The following NRXN2 variants were observed in gnomAD, a reference collection of about 807,000 sequenced individuals.
NRXN2 encodes the protein neurexin-2-beta.
Under a neutral mutation model 128.8 loss-of-function variants are expected in NRXN2, and 29 were observed. The observed-to-expected ratio is 0.23, with a 90% CI of 0.17 to 0.31. The LOEUF (loss-of-function observed/expected upper bound fraction) is 0.31, where lower values mean the gene tolerates loss of function less well. Ranked by LOEUF, NRXN2 falls within the 10% of genes least tolerant of loss-of-function variation. The pLI, the probability that NRXN2 is intolerant of heterozygous loss-of-function variation, is 1.00. For synonymous variants in NRXN2, 1,098 were observed against 1,075.2 expected (o/e 1.02, Z -0.41); for missense variants, 1,881 against 2,452.6 (o/e 0.77, Z 4.92).
At chr11:64,717,470 G>A (rs763798169) in intron 1 of NRXN2, among the ~76,000 whole-genome samples, 1 of 152,184 alleles carries the variant, frequency 6.6e-6, no homozygotes, top group Non-Finnish European at 1.5e-5. Context: ...AGCAGCCTTG[G>A]GCCAGTGGTG....
In NRXN2 at chr11:64,648,521, C is replaced by T. The variant is rs2047028572; in HGVS notation, c.3284-183G>A. On this transcript the variant is annotated intron_variant, in intron 16 of 22. Coordinates refer to ENST00000265459, the MANE Select transcript of NRXN2 (RefSeq NM_015080.4). The surrounding 1 kb of genome is among the most constrained non-coding windows in gnomAD (Gnocchi z 4.1). ...CAGGTCTGCTAGGCTTGGCCTTGGA[C>T]TGTGACAAGGGGCCAGGGTGTGAGA... Among the ~76,000 whole-genome samples the T allele has an allele frequency of 1.3e-5, 2 of 152,190 alleles. No homozygotes were observed.
intron 17 of NRXN2, chr11:64,643,306 C>G (rs1482553012): frequency 7.3e-6 from 7 of 961,746 alleles, no homozygotes; most frequent in African/African-American, 6.0e-5. Flanking sequence ...CCGGCCGCGC[C>G]GCTGCTGCCG....
chr11:64,615,255 T>C (rs2041295244), intron 22 of NRXN2, among the ~76,000 whole-genome samples: 3 of 152,166 alleles, frequency 2.0e-5, no homozygotes, highest in African/African-American at 7.2e-5. Flanking sequence ...AGCCACAAGA[T>C]GGAGAGGGTC....
At chr11:64,687,885 G>T (rs115253859) in intron 5 of NRXN2, among the ~76,000 whole-genome samples, 35 of 152,304 alleles carry the variant, frequency 2.3e-4, no homozygotes, top group African/African-American at 7.9e-4. Flanking sequence ...CTGGGGCCTT[G>T]CTGTTTCCAT....
intron 11 of NRXN2, 102 bp from the exon 12 acceptor site, chr11:64,653,824 G>A: frequency 5.5e-6 from 5 of 905,552 alleles, no homozygotes; most frequent in Non-Finnish European, 8.6e-6. Context: ...TCTGCGGGCG[G>A]GGTTCCCCCC....
In NRXN2 at chr11:64,632,747, T is replaced by C. The variant is rs2044103056; in HGVS notation, c.3586-2174A>G. On this transcript the variant is annotated intron_variant, in intron 18 of 22. Coordinates refer to ENST00000265459, the MANE Select transcript of NRXN2 (RefSeq NM_015080.4). This position sits in a 1 kb window ranked among gnomAD's most constrained non-coding sequence, Gnocchi z 4.2. ...CCAGTGTGAAGTCAGTTGTCACTTCTGTTAAAGTCATTAATTCCTAATTCC... is the reference window on the plus strand; with the variant it reads ...CCAGTGTGAAGTCAGTTGTCACTTCCGTTAAAGTCATTAATTCCTAATTCC... 6.6e-6 allele frequency among the ~76,000 whole-genome samples: 1 copy of C among 152,208 alleles called. No homozygotes were observed. The highest frequency in any genetic ancestry group is 6.5e-5 in the Admixed American group (1 of 15,290).
In NRXN2 at chr11:64,635,152, A is replaced by T; in HGVS notation, c.3585+119T>A. On this transcript the variant is annotated intron_variant, in intron 18 of 22. Coordinates refer to ENST00000265459, the MANE Select transcript of NRXN2 (RefSeq NM_015080.4). This position sits in a 1 kb window ranked among gnomAD's most constrained non-coding sequence, Gnocchi z 4.8. ...GGAAGCTCCAGCAATGAGGGAACAG[A>T]GGTTCTGAGGGTTCCCCATGAGGGA... 2.7e-6 allele frequency: 3 copies of T among 1,131,024 alleles called. No homozygotes were observed. The highest frequency in any genetic ancestry group is 2.9e-4 in the Middle Eastern group (1 of 3,400). 70.1% of individuals were successfully genotyped at this position (1,131,024 alleles called of 1,614,324 possible).
Position 64,652,426 on chromosome 11 carries a change from T to C in NRXN2, c.2417-272A>G, listed in dbSNP as rs774467026. On this transcript the variant is annotated intron_variant, in intron 12 of 22. Transcript: ENST00000265459. ...CTCAGGACTGCCCTTTGTGTGACTT[T>C]AGGAGGTGCCATGCACATAGAATAT... is the stretch of plus-strand genomic sequence containing the variant. 3.1e-4 allele frequency among the ~76,000 whole-genome samples: 47 copies of C among 152,208 alleles called. 1 individual carries two copies. The Middle Eastern group carries it at 0.014, about 44-fold the overall frequency.
Position 64,690,375 on chromosome 11 carries a change from G to C in NRXN2, c.850+30C>G, listed in dbSNP as rs60726643. ...TTAGCCTGCAGCAGGATGAGGGCTG[G>C]GCTCTCTGGGGACCATGGGGGTCAC... is the stretch of plus-strand genomic sequence containing the variant. On this transcript the variant is annotated intron_variant, in intron 5 of 22. Coordinates refer to ENST00000265459, the MANE Select transcript of NRXN2 (RefSeq NM_015080.4). 2.5e-6 allele frequency: 4 copies of C among 1,599,066 alleles called. No individual in the cohort carries two copies. The African/African-American group carries it at 5.3e-5, about 21-fold the overall frequency.
intron 2 of NRXN2, among the ~76,000 whole-genome samples, chr11:64,706,728 C>T (rs552147217): frequency 6.6e-6 from 1 of 152,242 alleles, no homozygotes; most frequent in South Asian, 2.1e-4. Context: ...CATATCAGCT[C>T]CTTTGCTTCA....
chr11:64,615,050 C>A (rs1052205635), intron 22 of NRXN2, among the ~76,000 whole-genome samples: 1 of 152,224 alleles, frequency 6.6e-6, no homozygotes, highest in Admixed American at 6.5e-5. Flanking sequence ...GCTTCCTCCT[C>A]AGGGCACAGC....
At position 64,606,989 on chromosome 11, in the gene NRXN2, C is replaced by T. The variant is rs1591419327; in HGVS notation, c.*207G>A. On this transcript the variant is annotated 3_prime_UTR_variant, in exon 23 of 23. Transcript: ENST00000265459. ...CAGAGCTGAGAGGGACAGTCAGCCCCGGGACTGACGAGGCCGCGCAGTGGA... is the reference window on the plus strand; with the variant it reads ...CAGAGCTGAGAGGGACAGTCAGCCCTGGGACTGACGAGGCCGCGCAGTGGA... The T allele has an allele frequency of 3.4e-6, 2 of 596,196 alleles. No homozygotes were observed. Among genetic ancestry groups the T allele is most frequent in the Admixed American group, 3.0e-5 (1 of 33,486 alleles). The allele number at this position is 596,196 out of a possible 1,614,324, so 36.9% of individuals were successfully genotyped here. A position where few individuals can be genotyped will look rare whatever the true frequency, so the allele number is the denominator to read the frequency against.
intron 6 of NRXN2, among the ~76,000 whole-genome samples, chr11:64,680,557 A>G (rs2052083078): frequency 6.6e-6 from 1 of 152,230 alleles, no homozygotes; most frequent in African/African-American, 2.4e-5. Context: ...TCCTAACTGG[A>G]TAACCTTGAG....
intron 2 of NRXN2, among the ~76,000 whole-genome samples, chr11:64,706,365 T>C (rs1200946449): frequency 4.1e-5 from 6 of 146,378 alleles, no homozygotes; most frequent in Non-Finnish European, 8.9e-5. Context: ...ATGTTCCCCT[T>C]CCTGTGTCCA....
At chr11:64,663,377 A>G (rs2049333168) in intron 9 of NRXN2, among the ~76,000 whole-genome samples, 1 of 146,730 alleles carries the variant, frequency 6.8e-6, no homozygotes, top group South Asian at 2.1e-4. Context: ...CTCTGACTCA[A>G]AAAAAAAAAA....
chr11:64,666,852 C>T (rs547922003), intron 9 of NRXN2, among the ~76,000 whole-genome samples: 13 of 152,234 alleles, frequency 8.5e-5, no homozygotes, highest in Non-Finnish European at 1.5e-4. Context: ...CATGAGGCAT[C>T]GCACCCGGCC....
intron 2 of NRXN2, 101 bp downstream of exon 2, chr11:64,712,869 C>A (rs967633483): frequency 4.6e-6 from 5 of 1,078,692 alleles, no homozygotes; most frequent in South Asian, 1.4e-5. Context: ...TCGTGCCCAG[C>A]CCCCGTGCCT....
At chr11:64,612,285 C>T (rs1037807879) in intron 22 of NRXN2, among the ~76,000 whole-genome samples, 4 of 151,234 alleles carry the variant, frequency 2.6e-5, no homozygotes, top group African/African-American at 9.7e-5. Context: ...TGGGTGCAGA[C>T]TCACAATGAC....
intron 22 of NRXN2, among the ~76,000 whole-genome samples, chr11:64,610,714 G>C (rs752622705): frequency 3.9e-5 from 6 of 152,132 alleles, no homozygotes; most frequent in Admixed American, 1.3e-4. Context: ...TACCCACCTG[G>C]GATCCAGACA....
Sources: gnomAD v4.1 joint callset for allele counts (sites outside exome capture counted in the v4.1 genomes callset) on GRCh38, gnomAD v4.1.1 for gene constraint, Gnocchi (gnomAD v3.1) non-coding constraint, MANE v1.5 for transcripts, NCBI Gene and HGNC (gene_info 2026-07-23, HGNC 2026-07-21) for gene names.